The following PEAK1 variants were observed in gnomAD, a reference collection of about 807,000 sequenced individuals.
PEAK1 encodes inactive tyrosine-protein kinase PEAK1.
A neutral mutation model predicts 124.7 loss-of-function variants in PEAK1; 54 were observed. That is an observed-to-expected ratio of 0.43 (90% CI 0.35 to 0.54). The LOEUF (loss-of-function observed/expected upper bound fraction) is 0.54. Among genes scored for constraint, PEAK1 ranks in the 20% least tolerant of loss-of-function variants. The probability of loss-of-function intolerance (pLI) is 0.01; values close to 1 mark genes in which losing one functional copy is unlikely to be tolerated. For missense variants in PEAK1, 2,046 were observed against 2,134.5 expected (o/e 0.96, Z 0.82); for synonymous variants, 719 against 760.0 (o/e 0.95, Z 0.89).
chr15:77,246,438 C>T (rs2060592210), intron 6 of PEAK1, among the ~76,000 whole-genome samples: 1 of 152,038 alleles, frequency 6.6e-6, no homozygotes, highest in Non-Finnish European at 1.5e-5. Flanking sequence ...GTAGGAGGAT[C>T]ACTTGAGCCC....
At chr15:77,226,112 A>G (rs900503342) in intron 6 of PEAK1, among the ~76,000 whole-genome samples, 2 of 141,396 alleles carry the variant, frequency 1.4e-5, no homozygotes, top group Non-Finnish European at 3.1e-5. Flanking sequence ...ACACATATAT[A>G]TGTGTGTAAT....
At chr15:77,221,994 C>A (rs1374975747) in intron 6 of PEAK1, among the ~76,000 whole-genome samples, 1 of 151,894 alleles carries the variant, frequency 6.6e-6, no homozygotes, top group African/African-American at 2.4e-5. Flanking sequence ...ACTACTGGGG[C>A]ATATCTTGGC....
intron 8 of PEAK1, among the ~76,000 whole-genome samples, chr15:77,139,006 G>A (rs2053564052): frequency 6.6e-6 from 1 of 152,052 alleles, no homozygotes; most frequent in East Asian, 1.9e-4. Flanking sequence ...CCTGGTACAT[G>A]TGAATGTGAC....
chr15:77,341,778 A>G (rs1351682618), intron 2 of PEAK1, among the ~76,000 whole-genome samples: 1 of 152,164 alleles, frequency 6.6e-6, no homozygotes, highest in Non-Finnish European at 1.5e-5. Context: ...AAGAGTTATA[A>G]TTTCCATGTA....
chr15:77,369,328 C>G (rs540772142), intron 1 of PEAK1, among the ~76,000 whole-genome samples: 1 of 152,296 alleles, frequency 6.6e-6, no homozygotes, highest in Admixed American at 6.5e-5. Context: ...ATGGAGAGTT[C>G]TTGTTAAGTA....
chr15:77,419,067 G>A (rs75092578), intron 1 of PEAK1: 8 of 985,250 alleles, frequency 8.1e-6, no homozygotes, highest in African/African-American at 7.0e-5. Context: ...TGAAATCATA[G>A]TTTTCCTCTA....
chr15:77,418,814 CTTCA>C lies in PEAK1; in HGVS notation c.-666+1188_-666+1191del, dbSNP rs369176995. 98 of 985,336 alleles carry C rather than the reference CTTCA, an allele frequency of 9.9e-5. 2 individuals carry two copies. In the African/African-American group the frequency reaches 1.4e-3, roughly 15 times the overall value. 61.0% of individuals were successfully genotyped at this position (985,336 alleles called of 1,614,324 possible). On this transcript the variant is annotated intron_variant, in intron 1 of 9. Coordinates refer to ENST00000682557, the MANE Select transcript of PEAK1 (RefSeq NM_001385026.1). ...TCTGACTATACACATCACTACATCA[CTTCA>C]TTTATCGGGGGAAAAAAAAAGACGC...
chr15:77,182,114 A>G, intron 6 of PEAK1, 74 bp from the exon 7 acceptor site: 1 of 1,255,788 alleles, frequency 8.0e-7, no homozygotes, highest in Non-Finnish European at 1.0e-6. Context: ...TAGTGACTTG[A>G]AAAAACTGAC....
At chr15:77,141,619 C>A (rs1405375810) in intron 8 of PEAK1, among the ~76,000 whole-genome samples, 1 of 152,170 alleles carries the variant, frequency 6.6e-6, no homozygotes, top group South Asian at 2.1e-4. Context: ...CACTTTCCAA[C>A]TCCAACTTAT....
At chr15:77,131,027 G>A (rs1368325397) in intron 9 of PEAK1, among the ~76,000 whole-genome samples, 1 of 152,160 alleles carries the variant, frequency 6.6e-6, no homozygotes, top group African/African-American at 2.4e-5. Flanking sequence ...TTATTATATT[G>A]ATGAAACCTA....
chr15:77,328,141 T>C (rs2065688437), intron 2 of PEAK1, among the ~76,000 whole-genome samples: 1 of 152,140 alleles, frequency 6.6e-6, no homozygotes, highest in South Asian at 2.1e-4. Context: ...GACTGGCCCA[T>C]TAGTACATAA....
rs528143997 is a variant in PEAK1, at chr15:77,297,677, T to C, written c.-602-11173A>G. Among the ~76,000 whole-genome samples the C allele has an allele frequency of 2.1e-5, 3 of 145,060 alleles. No homozygotes were observed. The South Asian group carries it at 6.4e-4, about 31-fold the overall frequency. ...AGGAGGCTGAGGCAGGAGAATCGTG[T>C]GAATCCGGGAGGCAGAGGTTGCAGT... On this transcript the variant is annotated intron_variant, in intron 2 of 9. Coordinates refer to ENST00000682557, the MANE Select transcript of PEAK1 (RefSeq NM_001385026.1).
chr15:77,401,668 C>A (rs1344535164), intron 1 of PEAK1: 9 of 984,940 alleles, frequency 9.1e-6, no homozygotes, highest in Non-Finnish European at 1.1e-5. Context: ...GACATTGCCA[C>A]GAAAGAACTC....
intron 6 of PEAK1, among the ~76,000 whole-genome samples, chr15:77,186,791 C>T (rs2057571543): frequency 6.6e-6 from 1 of 152,168 alleles, no homozygotes; most frequent in South Asian, 2.1e-4. Flanking sequence ...ACTGTCAAAA[C>T]TATTTTAACC....
chr15:77,116,710 A>G (rs934545691), intron 9 of PEAK1, among the ~76,000 whole-genome samples: 1 of 50,834 alleles, frequency 2.0e-5, no homozygotes, highest in African/African-American at 7.1e-5. Flanking sequence ...CAATCTATCT[A>G]TCTATCTATC....
At chr15:77,301,383 T>C (rs549328497) in intron 2 of PEAK1, among the ~76,000 whole-genome samples, 1 of 152,332 alleles carries the variant, frequency 6.6e-6, no homozygotes, top group South Asian at 2.1e-4. Flanking sequence ...AAATCCTTAA[T>C]GTAAAGACAT....
At chr15:77,306,127 C>T (rs1180960772) in intron 2 of PEAK1, among the ~76,000 whole-genome samples, 1 of 152,112 alleles carries the variant, frequency 6.6e-6, no homozygotes, top group Non-Finnish European at 1.5e-5. Flanking sequence ...TGGCACAACC[C>T]GTTTTGCTCT....
chr15:77,410,719 A>G (rs999018212), intron 1 of PEAK1, among the ~76,000 whole-genome samples: 3 of 152,256 alleles, frequency 2.0e-5, no homozygotes, highest in Non-Finnish European at 2.9e-5. Context: ...CACTCAGCAT[A>G]TAAATATGCT....
intron 8 of PEAK1, chr15:77,156,757 T>G (rs2055193347): frequency 6.6e-6 from 1 of 152,178 alleles, no homozygotes; most frequent in Non-Finnish European, 1.5e-5. Context: ...ATGAAAGAAA[T>G]TTTGGTTTAA....
Sources: gnomAD v4.1 joint callset for allele counts (sites outside exome capture counted in the v4.1 genomes callset) on GRCh38, gnomAD v4.1.1 for gene constraint, MANE v1.5 for transcripts, NCBI Gene and HGNC (gene_info 2026-07-23, HGNC 2026-07-21) for gene names.